TRPM3: variants seen among roughly 807,000 people sequenced by gnomAD.
TRPM3 encodes the protein transient receptor potential cation channel subfamily M member 3, also known as long transient receptor potential channel 3.
A neutral mutation model predicts 181.2 loss-of-function variants in TRPM3; 77 were observed. That is an observed-to-expected ratio of 0.42 (90% CI 0.35 to 0.51). TRPM3 has a LOEUF of 0.51. Ranked by LOEUF, TRPM3 falls within the 20% of genes least tolerant of loss-of-function variation. TRPM3 has a pLI of 0.01. For synonymous variants in TRPM3, 745 were observed against 796.4 expected (o/e 0.94, Z 1.09); for missense variants, 1,759 against 2,196.7 (o/e 0.80, Z 3.98).
At chr9:71,020,823 T>C (rs1435488443) in intron 1 of TRPM3, among the ~76,000 whole-genome samples, 3 of 152,220 alleles carry the variant, frequency 2.0e-5, no homozygotes, top group African/African-American at 7.2e-5. Context: ...CAATATCTAC[T>C]AAACTTGAAA....
chr9:70,837,108 C>T (rs1053070769), intron 5 of TRPM3, among the ~76,000 whole-genome samples: 1 of 152,176 alleles, frequency 6.6e-6, no homozygotes. Flanking sequence ...CACATCTCCC[C>T]AGATACATCT....
In TRPM3 at chr9:71,134,020, TGC is replaced by T. The variant is rs1170476756; in HGVS notation, c.184-269511_184-269510del. ...GTGTGTGTGTGTGTGTGTGTGCGCG[TGC>T]GCGCGCGCGCGTGTCTGTGTTTGCA... On this transcript the variant is annotated intron_variant, in intron 1 of 24. Coordinates refer to the TRPM3 transcript ENST00000357533. Among the ~76,000 whole-genome samples the T allele has an allele frequency of 4.1e-3, 453 of 109,584 alleles. 5 individuals carry two copies. Among genetic ancestry groups the T allele is most frequent in the African/African-American group, 0.013 (375 of 29,080 alleles). 71.9% of individuals were successfully genotyped at this position (109,584 alleles called of 152,430 possible). A position where few individuals can be genotyped will look rare whatever the true frequency, so the allele number is the denominator to read the frequency against.
chr9:71,164,758 G>T (rs1415559888), intron 1 of TRPM3, among the ~76,000 whole-genome samples: 3 of 152,084 alleles, frequency 2.0e-5, no homozygotes, highest in Non-Finnish European at 4.4e-5. Flanking sequence ...TTATGTTTTG[G>T]AATTTTAAAA....
intron 1 of TRPM3, among the ~76,000 whole-genome samples, chr9:71,187,933 AGATAGATAGATAGATAGATC>A (rs879857072): frequency 0.02 from 1,809 of 91,844 alleles, 25 homozygotes; most frequent in South Asian, 0.057. Flanking sequence ...ATAGATAGAT[AGATAGATAGATAGATAGATC>A]ATCGCATTTT....
At position 70,534,541 on chromosome 9, in the gene TRPM3, A is replaced by G. The variant is rs1808461529; in HGVS notation, c.*1412T>C. 1 of 152,236 alleles carries G rather than the reference A, an allele frequency of 6.6e-6. No homozygotes were observed. 9.4% of individuals were successfully genotyped at this position (152,236 alleles called of 1,614,324 possible). ...TCTGCATAAATGCATATACATGTGTATAAGTGGCATATACTATAGAACTCT... is the reference window on the plus strand; with the variant it reads ...TCTGCATAAATGCATATACATGTGTGTAAGTGGCATATACTATAGAACTCT... On this transcript the variant is annotated 3_prime_UTR_variant, in exon 26 of 26. Transcript: ENST00000677713.
intron 1 of TRPM3, among the ~76,000 whole-genome samples, chr9:71,099,452 C>T (rs1727183412): frequency 6.6e-6 from 1 of 152,152 alleles, no homozygotes; most frequent in African/African-American, 2.4e-5. Context: ...AGAAAAAGAG[C>T]TCTCTCACGT....
At chr9:71,288,064 A>G (rs548343219) in intron 1 of TRPM3, among the ~76,000 whole-genome samples, 2 of 152,240 alleles carry the variant, frequency 1.3e-5, no homozygotes, top group East Asian at 3.9e-4. Context: ...AAATATTTTT[A>G]AAATGTTAAA....
chr9:71,266,581 G>A (rs946136265), intron 1 of TRPM3, among the ~76,000 whole-genome samples: 2 of 152,128 alleles, frequency 1.3e-5, no homozygotes, highest in Non-Finnish European at 2.9e-5. Flanking sequence ...TAATTTCAGT[G>A]TGTTTTGTGT....
chr9:71,010,384 GCAAA>G (rs982277394), intron 1 of TRPM3, among the ~76,000 whole-genome samples: 15 of 151,890 alleles, frequency 9.9e-5, no homozygotes, highest in Admixed American at 6.6e-4. Context: ...CAGCTCAATA[GCAAA>G]CAAACAAACA....
At chr9:71,418,209 C>T (rs2093667145) in intron 1 of TRPM3, among the ~76,000 whole-genome samples, 3 of 151,852 alleles carry the variant, frequency 2.0e-5, no homozygotes, top group Admixed American at 2.0e-4. Flanking sequence ...TCTCCTTGTG[C>T]TGGTTTTGGG....
intron 8 of TRPM3, among the ~76,000 whole-genome samples, chr9:70,740,592 A>G (rs1022211716): frequency 2.6e-5 from 4 of 152,242 alleles, no homozygotes; most frequent in African/African-American, 9.6e-5. Context: ...CTCTAATGCC[A>G]TAGTCACCAA....
rs1054444065 is a variant in TRPM3, at chr9:71,297,499, A to G, written c.183+149154T>C. On this transcript the variant is annotated intron_variant, in intron 1 of 24. Coordinates refer to the TRPM3 transcript ENST00000357533. ...AAACTTACAATAATGGTGGAAGGGG[A>G]AGCAAACACGTCCTTCTTCACATGG... Among the ~76,000 whole-genome samples the G allele has an allele frequency of 5.8e-4, 88 of 152,250 alleles. 1 individual carries two copies. The highest frequency in any genetic ancestry group is 2.1e-3 in the African/African-American group (86 of 41,560).
intron 1 of TRPM3, among the ~76,000 whole-genome samples, chr9:71,049,478 G>T (rs1399358334): frequency 1.3e-5 from 2 of 152,130 alleles, no homozygotes; most frequent in African/African-American, 4.8e-5. Flanking sequence ...CATATCTGAA[G>T]TGAGTTTTAG....
At position 70,536,760 on chromosome 9, in the gene TRPM3, G is replaced by T; in HGVS notation, c.4353C>A (p.Ala1451=). The change falls in exon 26 of 26, where the codon GCC becomes GCA. Residue 1451 remains alanine, a synonymous_variant. Transcript: ENST00000677713. ...PSFSTPVPST[A]PSSSAYATLA... ...GTGTTGCATAGGCACTACTTGAAGG[G>T]GCTGTGGAAGGTACTGGAGTTGAAA... is the stretch of plus-strand genomic sequence containing the variant. 1 of 1,614,172 alleles carries T rather than the reference G, an allele frequency of 6.2e-7. No individual in the cohort carries two copies. Among genetic ancestry groups the T allele is most frequent in the Non-Finnish European group, 8.5e-7 (1 of 1,180,044 alleles).
chr9:71,340,089 T>G (rs1474913795), intron 1 of TRPM3, among the ~76,000 whole-genome samples: 1 of 152,152 alleles, frequency 6.6e-6, no homozygotes, highest in Non-Finnish European at 1.5e-5. Flanking sequence ...GTTGATGCAT[T>G]TGTTTTTCCT....
chr9:71,121,668 T>A (rs1448763962), upstream of TRPM3: 1 of 1,117,384 alleles, frequency 8.9e-7, no homozygotes, highest in Non-Finnish European at 1.1e-6. Flanking sequence ...AGGTCAGGCG[T>A]TGGGGGGGAA....
intron 1 of TRPM3, among the ~76,000 whole-genome samples, chr9:71,215,285 T>G (rs1277820754): frequency 1.3e-5 from 2 of 152,154 alleles, no homozygotes; most frequent in African/African-American, 4.8e-5. Context: ...TGTTGAAGAG[T>G]GTGCATTGCA....
intron 1 of TRPM3, among the ~76,000 whole-genome samples, chr9:71,220,895 A>G (rs1299311993): frequency 6.6e-6 from 1 of 151,966 alleles, no homozygotes; most frequent in Non-Finnish European, 1.5e-5. Flanking sequence ...CTTTGCTTTA[A>G]CACTAATCTT....
intron 8 of TRPM3, among the ~76,000 whole-genome samples, chr9:70,692,633 G>C (rs140771592): frequency 6.6e-6 from 1 of 152,336 alleles, no homozygotes; most frequent in Non-Finnish European, 1.5e-5. Flanking sequence ...GCCATGCGCA[G>C]AATCAGCTCT....
Sources: allele counts gnomAD v4.1 joint callset (sites outside exome capture counted in the v4.1 genomes callset), GRCh38; gene constraint gnomAD v4.1.1; transcripts MANE v1.5; gene names NCBI Gene and HGNC (gene_info 2026-07-23, HGNC 2026-07-21).